The following SLC22A3 variants were observed in gnomAD, a reference collection of about 807,000 sequenced individuals.
SLC22A3 encodes the protein EMT organic cation transporter 3.
In SLC22A3, 51 loss-of-function variants were observed where a neutral mutation model predicts 59.1. That is an observed-to-expected ratio of 0.86 (90% CI 0.69 to 1.09). The LOEUF is 1.09. Ranked by LOEUF, SLC22A3 falls within the 50% of genes least tolerant of loss-of-function variation. SLC22A3 has a pLI of 0.00. For synonymous variants in SLC22A3, 325 were observed against 292.0 expected (o/e 1.11, Z -1.15); for missense variants, 711 against 726.3 (o/e 0.98, Z 0.24).
chr6:160,387,255 A>C (rs1786058808), intron 1 of SLC22A3, among the ~76,000 whole-genome samples: 1 of 152,234 alleles, frequency 6.6e-6, no homozygotes, highest in South Asian at 2.1e-4. Flanking sequence ...TTGGCAGAGG[A>C]AAGCAAATAA....
chr6:160,392,439 G>T (rs1786299570), intron 1 of SLC22A3, among the ~76,000 whole-genome samples: 1 of 152,076 alleles, frequency 6.6e-6, no homozygotes, highest in African/African-American at 2.4e-5. Context: ...TTGCTTCACA[G>T]AAATTGACCT....
At chr6:160,439,960 C>T (rs1220360246) in intron 7 of SLC22A3, among the ~76,000 whole-genome samples, 4 of 152,282 alleles carry the variant, frequency 2.6e-5, no homozygotes, top group East Asian at 3.9e-4. Context: ...AGTAGTAGGT[C>T]GCCAGCCCCT....
At chr6:160,369,908 G>T (rs1258511223) in intron 1 of SLC22A3, among the ~76,000 whole-genome samples, 7 of 152,218 alleles carry the variant, frequency 4.6e-5, no homozygotes, top group African/African-American at 1.7e-4. Flanking sequence ...AGATAGGAAG[G>T]CTTAGAGGTT....
intron 1 of SLC22A3, among the ~76,000 whole-genome samples, chr6:160,394,854 C>A (rs1013745660): frequency 1.3e-5 from 2 of 152,170 alleles, no homozygotes; most frequent in Admixed American, 6.5e-5. Context: ...TGGCCAGGCA[C>A]ACGGGGCACT....
chr6:160,434,571 C>G (rs1204501909), intron 5 of SLC22A3, among the ~76,000 whole-genome samples: 1 of 152,208 alleles, frequency 6.6e-6, no homozygotes, highest in Non-Finnish European at 1.5e-5. Context: ...ATCACACACT[C>G]CATAAACACT....
At chr6:160,428,715 C>T (rs1219275486) in intron 5 of SLC22A3, among the ~76,000 whole-genome samples, 1 of 152,092 alleles carries the variant, frequency 6.6e-6, no homozygotes, top group Non-Finnish European at 1.5e-5. Flanking sequence ...CAGCATTGGT[C>T]CAGAGGACTG....
At chr6:160,359,992 A>G (rs1784962351) in intron 1 of SLC22A3, among the ~76,000 whole-genome samples, 1 of 152,336 alleles carries the variant, frequency 6.6e-6, no homozygotes, top group South Asian at 2.1e-4. Flanking sequence ...TAGTAAAAAC[A>G]TATTTCATAT....
In SLC22A3 at chr6:160,437,083, G is replaced by A; in HGVS notation, c.1160G>A (p.Gly387Asp). The change falls in exon 7 of 11, where the codon GGC (glycine) becomes GAC (aspartate). Residue 387 changes from glycine (G) to aspartate (D), a missense_variant. Physicochemically the swap from Gly to Asp is moderately conservative, Grantham distance 94 (BLOSUM62 -1). Coordinates refer to ENST00000275300, the MANE Select transcript of SLC22A3 (RefSeq NM_021977.4). ...CTCTATATAGACTTTTTCATCTCGGGCGTGGTGGAACTGCCAGGAGCTCTC... is the reference window on the plus strand; with the variant it reads ...CTCTATATAGACTTTTTCATCTCGGACGTGGTGGAACTGCCAGGAGCTCTC... The part of the protein sequence containing the change: ...GNLYIDFFIS[G>D]VVELPGALLI... 6.2e-7 allele frequency: 1 copy of A among 1,614,136 alleles called. No homozygotes were observed. The highest frequency in any genetic ancestry group is 8.5e-7 in the Non-Finnish European group (1 of 1,180,006).
intron 1 of SLC22A3, among the ~76,000 whole-genome samples, chr6:160,369,796 A>G (rs1343006610): frequency 2.6e-5 from 4 of 152,238 alleles, no homozygotes; most frequent in Non-Finnish European, 5.9e-5. Flanking sequence ...AAACGTAGTG[A>G]TTTAAAACAA....
chr6:160,434,889 A>G (rs1214386024), intron 5 of SLC22A3, among the ~76,000 whole-genome samples: 5 of 152,242 alleles, frequency 3.3e-5, no homozygotes, highest in African/African-American at 1.2e-4. Flanking sequence ...CTTTCTCTCT[A>G]GCACACGCAC....
rs545642855 is a variant in SLC22A3, at chr6:160,367,736, C to A, written c.429+18888C>A. Among the ~76,000 whole-genome samples, 3 of 152,296 alleles carry A rather than the reference C, an allele frequency of 2.0e-5. No individual in the cohort carries two copies. In the East Asian group the frequency reaches 5.8e-4, roughly 29 times the overall value. On this transcript the variant is annotated intron_variant, in intron 1 of 10. Transcript: ENST00000275300. ...GTACAGAGTGGTCAGGGCATCCAGG[C>A]ACATCATGGATGATGGGGCACTGTT... is the stretch of plus-strand genomic sequence containing the variant.
chr6:160,403,587 C>T (rs1464825655), intron 2 of SLC22A3, among the ~76,000 whole-genome samples: 1 of 151,804 alleles, frequency 6.6e-6, no homozygotes, highest in East Asian at 1.9e-4. Flanking sequence ...ACAGACATTA[C>T]AACAAAAGAA....
At chr6:160,442,731 TC>T in intron 7 of SLC22A3, 29 bp from the exon 8 acceptor site, 1 of 1,507,558 alleles carries the variant, frequency 6.6e-7, no homozygotes, top group Non-Finnish European at 9.2e-7. Flanking sequence ...GACCCCTAAC[TC>T]CTCCCTTTCA....
intron 1 of SLC22A3, among the ~76,000 whole-genome samples, chr6:160,386,470 A>C (rs1485623250): frequency 1.3e-5 from 2 of 152,256 alleles, no homozygotes; most frequent in Non-Finnish European, 2.9e-5. Context: ...AGAAAATCTT[A>C]TAAAGTTTCC....
At chr6:160,389,719 C>A (rs1583468423) in intron 1 of SLC22A3, among the ~76,000 whole-genome samples, 1 of 152,198 alleles carries the variant, frequency 6.6e-6, no homozygotes, top group African/African-American at 2.4e-5. Flanking sequence ...TAACTCATGC[C>A]CCGGCTTAGC....
intron 5 of SLC22A3, among the ~76,000 whole-genome samples, chr6:160,417,802 C>T (rs944450274): frequency 6.6e-5 from 10 of 152,156 alleles, no homozygotes; most frequent in African/African-American, 2.2e-4. Context: ...GGCTTTATCT[C>T]TGCACCTCAG....
rs432153 is a variant in SLC22A3, at chr6:160,382,282, G to T, written c.430-15697G>T. On this transcript the variant is annotated intron_variant, in intron 1 of 10. Transcript: ENST00000275300. ...AACTGGCACACCAGCTGGAAATTAG[G>T]AGGGCAAGTTTCCCTAGAAATGGGA... Among the ~76,000 whole-genome samples the T allele has an allele frequency of 5.2e-3, 795 of 152,312 alleles. 12 individuals carry two copies. The East Asian group carries it at 0.062, about 12-fold the overall frequency.
chr6:160,448,232 C>T (rs1788819224), intron 10 of SLC22A3, among the ~76,000 whole-genome samples: 1 of 151,924 alleles, frequency 6.6e-6, no homozygotes, highest in Non-Finnish European at 1.5e-5. Flanking sequence ...AGACTGACTA[C>T]AAAGTGAAAT....
chr6:160,352,088 T>G (rs1025008530), intron 1 of SLC22A3, among the ~76,000 whole-genome samples: 1 of 152,270 alleles, frequency 6.6e-6, no homozygotes, highest in Non-Finnish European at 1.5e-5. Context: ...TCAGCCAGAC[T>G]GGCAGATGGG....
Sources: gnomAD v4.1 joint callset for allele counts (sites outside exome capture counted in the v4.1 genomes callset) on GRCh38, gnomAD v4.1.1 for gene constraint, MANE v1.5 for transcripts, NCBI Gene and HGNC (gene_info 2026-07-23, HGNC 2026-07-21) for gene names.